NRXN3: variants seen among roughly 807,000 people sequenced by gnomAD.
NRXN3 encodes neurexin III.
In NRXN3, 32 loss-of-function variants were observed where a neutral mutation model predicts 137.6. That is an observed-to-expected ratio of 0.23 (90% confidence interval 0.18 to 0.31). The LOEUF is 0.31. Ranked by LOEUF, NRXN3 falls within the 10% of genes least tolerant of loss-of-function variation. The pLI is 1.00. For synonymous variants in NRXN3, 798 were observed against 784.5 expected (o/e 1.02, Z -0.29); for missense variants, 1,574 against 2,062.5 (o/e 0.76, Z 4.59).
At chr14:78,743,065 G>A (rs573490079) in intron 8 of NRXN3, among the ~76,000 whole-genome samples, 2 of 152,204 alleles carry the variant, frequency 1.3e-5, no homozygotes, top group Admixed American at 6.5e-5. Flanking sequence ...CTTTATGCAG[G>A]CAAGTGTGGT....
rs923661744 is a variant in NRXN3 at position 78,340,161 on chromosome 14, G to T, written c.757+42301G>T. Reference sequence around the variant, plus strand: ...AAGCATAGTTTGCATCTGCAAGCCCGAAGGGAAACTGAGAAAACCAGCCAC... The same window carrying T: ...AAGCATAGTTTGCATCTGCAAGCCCTAAGGGAAACTGAGAAAACCAGCCAC... On this transcript the variant is annotated intron_variant, in intron 4 of 20. Transcript: ENST00000335750. Among the ~76,000 whole-genome samples, 3 of 152,146 alleles carry T rather than the reference G, an allele frequency of 2.0e-5. No individual in the cohort carries two copies. The South Asian group carries it at 6.2e-4, about 32-fold the overall frequency.
Position 79,800,927 on chromosome 14 carries a change from A to G in NRXN3, c.4015-4185A>G, listed in dbSNP as rs533524728. 1.1e-3 allele frequency among the ~76,000 whole-genome samples: 165 copies of G among 152,314 alleles called. 2 individuals are homozygous for G. Among genetic ancestry groups the G allele is most frequent in the African/African-American group, 1.7e-3 (71 of 41,572 alleles). ...TGGATTTTCTAGATGTTAGGGACAA[A>G]AGTAGTTTCAAAAAAGTCTAAGTGT... On this transcript the variant is annotated intron_variant, in intron 19 of 20. Coordinates refer to ENST00000335750, the MANE Select transcript of NRXN3 (RefSeq NM_001330195.2).
chr14:78,794,380 ACT>A (rs1264728700), intron 8 of NRXN3, among the ~76,000 whole-genome samples: 1 of 152,124 alleles, frequency 6.6e-6, no homozygotes, highest in Non-Finnish European at 1.5e-5. Flanking sequence ...ACAGAGCAAG[ACT>A]CTGTTTCAAA....
At chr14:79,197,886 C>G (rs923878702) in intron 15 of NRXN3, among the ~76,000 whole-genome samples, 4 of 152,168 alleles carry the variant, frequency 2.6e-5, no homozygotes, top group African/African-American at 9.7e-5. Context: ...CTCTCAAACC[C>G]TGCCATTGCT....
chr14:79,803,308 G>A (rs1163960941), intron 19 of NRXN3, among the ~76,000 whole-genome samples: 1 of 152,034 alleles, frequency 6.6e-6, no homozygotes, highest in Non-Finnish European at 1.5e-5. Flanking sequence ...CATTTATTAG[G>A]GTTGTCATAA....
At chr14:79,663,748 A>T in intron 16 of NRXN3, 30 bp from the exon 17 acceptor site, 1 of 1,603,222 alleles carries the variant, frequency 6.2e-7, no homozygotes, top group Non-Finnish European at 8.5e-7. Context: ...GGTTGGTGAT[A>T]ACTATGCCTT....
At chr14:79,438,162 C>T (rs1364950190) in intron 15 of NRXN3, among the ~76,000 whole-genome samples, 1 of 152,154 alleles carries the variant, frequency 6.6e-6, no homozygotes, top group African/African-American at 2.4e-5. Context: ...AGCTCTGGCA[C>T]TTTGCCTGGG....
chr14:79,580,148 T>C (rs2097700960), intron 16 of NRXN3, among the ~76,000 whole-genome samples: 1 of 152,214 alleles, frequency 6.6e-6, no homozygotes, highest in Non-Finnish European at 1.5e-5. Context: ...CCAAATAGTA[T>C]TCATATATAT....
intron 19 of NRXN3, among the ~76,000 whole-genome samples, chr14:79,744,830 G>A (rs1395094622): frequency 2.0e-5 from 3 of 152,140 alleles, no homozygotes; most frequent in Non-Finnish European, 4.4e-5. Context: ...AAGTAGGTAT[G>A]AGGTGTCCCT....
chr14:79,315,089 T>C (rs756910513), intron 15 of NRXN3, among the ~76,000 whole-genome samples: 54 of 152,324 alleles, frequency 3.5e-4, no homozygotes, highest in Middle Eastern at 6.8e-3. Flanking sequence ...CAGGTGATAA[T>C]GTATCTAATT....
In NRXN3 at chr14:78,348,365, G is replaced by A. The variant is rs1597603872; in HGVS notation, c.757+50505G>A. Among the ~76,000 whole-genome samples, 6 of 152,148 alleles carry A rather than the reference G, an allele frequency of 3.9e-5. No homozygotes were observed. The South Asian group carries it at 1.2e-3, about 32-fold the overall frequency. On this transcript the variant is annotated intron_variant, in intron 4 of 20. Transcript: ENST00000335750. ...CTCCATTTGTTGGCCAGTTGACACT[G>A]AATAAGTCTGTACTTTAGTTTACTC...
At chr14:79,302,313 A>G (rs1254059822) in intron 15 of NRXN3, among the ~76,000 whole-genome samples, 1 of 152,022 alleles carries the variant, frequency 6.6e-6, no homozygotes. Context: ...TATTAGAAAA[A>G]GAGGTTTATT....
chr14:79,364,217 G>C (rs1362597959), intron 15 of NRXN3, among the ~76,000 whole-genome samples: 1 of 152,048 alleles, frequency 6.6e-6, no homozygotes, highest in Non-Finnish European at 1.5e-5. Flanking sequence ...ATTATGACAT[G>C]ACTTAAAATA....
chr14:78,500,563 C>A (rs1234105518), intron 4 of NRXN3, among the ~76,000 whole-genome samples: 1 of 152,118 alleles, frequency 6.6e-6, no homozygotes, highest in East Asian at 1.9e-4. Flanking sequence ...ATTTAGACTT[C>A]CACGGATACC....
chr14:78,375,171 T>A (rs191260548), intron 4 of NRXN3, among the ~76,000 whole-genome samples: 1 of 152,362 alleles, frequency 6.6e-6, no homozygotes, highest in East Asian at 1.9e-4. Context: ...CTACTTAGCT[T>A]AACCACCTTC....
At chr14:79,334,062 G>A (rs776245830) in intron 15 of NRXN3, among the ~76,000 whole-genome samples, 2 of 152,056 alleles carry the variant, frequency 1.3e-5, no homozygotes, top group African/African-American at 4.8e-5. Context: ...GCAATCATTC[G>A]TTCATTCACA....
chr14:79,605,505 T>G (rs1485714769), intron 16 of NRXN3, among the ~76,000 whole-genome samples: 3 of 152,080 alleles, frequency 2.0e-5, no homozygotes, highest in Non-Finnish European at 4.4e-5. Flanking sequence ...TTTTCTTTTT[T>G]GAGACAGAGT....
At chr14:79,552,047 T>C (rs945739109) in intron 16 of NRXN3, among the ~76,000 whole-genome samples, 7 of 152,200 alleles carry the variant, frequency 4.6e-5, no homozygotes, top group Non-Finnish European at 1.0e-4. Flanking sequence ...TCATTAGAAA[T>C]GGCAAAGCCA....
chr14:79,706,688 C>G (rs573618646), intron 19 of NRXN3, among the ~76,000 whole-genome samples: 20 of 152,272 alleles, frequency 1.3e-4, no homozygotes, highest in African/African-American at 4.6e-4. Flanking sequence ...CCACTCCCCC[C>G]AGCTGCTCTC....
Sources: allele counts gnomAD v4.1 joint callset (sites outside exome capture counted in the v4.1 genomes callset), GRCh38; gene constraint gnomAD v4.1.1; transcripts MANE v1.5; gene names NCBI Gene and HGNC (gene_info 2026-07-23, HGNC 2026-07-21).